Variants in PRORP observed in about 807,000 individuals in gnomAD.
The protein encoded by PRORP is protein only RNase P catalytic subunit.
In PRORP, 51 loss-of-function variants were observed where a neutral mutation model predicts 59.4. The observed-to-expected ratio is 0.86, with a 90% CI of 0.69 to 1.08. The LOEUF is 1.08. PRORP is among the 50% of genes least tolerant of loss of function. The pLI is 0.00. For synonymous variants in PRORP, 231 were observed against 245.6 expected (o/e 0.94, Z 0.55); for missense variants, 646 against 690.3 (o/e 0.94, Z 0.72).
intron 5 of PRORP, among the ~76,000 whole-genome samples, chr14:35,237,814 G>A (rs1002973258): frequency 1.3e-5 from 2 of 150,734 alleles, no homozygotes; most frequent in Non-Finnish European, 2.9e-5. Flanking sequence ...CACCAAGCCC[G>A]GCTAATTTTT....
rs144807717 is a variant in PRORP, at chr14:35,271,531, T to A, written c.1620+935T>A. On this transcript the variant is annotated intron_variant, in intron 7 of 7. Transcript: ENST00000534898. ...AGCTCAAATTCTTTATTTCTTATAG[T>A]TTGTTATACTTCTGCTAAGTAATTT... Among the ~76,000 whole-genome samples the A allele has an allele frequency of 1.1e-3, 169 of 152,302 alleles. 1 individual carries two copies. Among genetic ancestry groups the A allele is most frequent in the African/African-American group, 3.8e-3 (156 of 41,576 alleles).
intron 5 of PRORP, among the ~76,000 whole-genome samples, chr14:35,241,915 C>T (rs1040730336): frequency 2.6e-5 from 4 of 152,160 alleles, no homozygotes; most frequent in African/African-American, 9.7e-5. Context: ...TCATAGGCTT[C>T]TCTTTTCTCC....
intron 4 of PRORP, among the ~76,000 whole-genome samples, chr14:35,132,390 G>A (rs1329269719): frequency 3.9e-5 from 6 of 151,970 alleles, no homozygotes; most frequent in Non-Finnish European, 7.4e-5. Context: ...CCTGGGAGCC[G>A]GAGGTTGCGG....
At chr14:35,218,028 T>G (rs1434805448) in intron 5 of PRORP, among the ~76,000 whole-genome samples, 1 of 152,198 alleles carries the variant, frequency 6.6e-6, no homozygotes, top group Non-Finnish European at 1.5e-5. Context: ...GTATGTTGTT[T>G]TAATTTGCAT....
intron 5 of PRORP, among the ~76,000 whole-genome samples, chr14:35,247,171 C>T (rs546056769): frequency 6.6e-6 from 1 of 152,256 alleles, no homozygotes; most frequent in East Asian, 1.9e-4. Flanking sequence ...GATTATTGAA[C>T]TATTAAGTAA....
chr14:35,166,820 T>C (rs2048196931), intron 4 of PRORP, among the ~76,000 whole-genome samples: 1 of 152,210 alleles, frequency 6.6e-6, no homozygotes, highest in Non-Finnish European at 1.5e-5. Flanking sequence ...TTCACCCTAT[T>C]GAATTATCCT....
chr14:35,131,035 C>G (rs1411253394), intron 4 of PRORP, among the ~76,000 whole-genome samples: 1 of 152,042 alleles, frequency 6.6e-6, no homozygotes, highest in Non-Finnish European at 1.5e-5. Flanking sequence ...CCTCCGCCTC[C>G]TGGGTTCAAG....
intron 4 of PRORP, among the ~76,000 whole-genome samples, chr14:35,163,932 G>A (rs962005696): frequency 1.6e-4 from 25 of 152,262 alleles, no homozygotes; most frequent in Non-Finnish European, 5.9e-5. Flanking sequence ...AATCCATCTT[G>A]AGTTAATTTT....
intron 4 of PRORP, among the ~76,000 whole-genome samples, chr14:35,135,922 C>T (rs1275695215): frequency 2.0e-5 from 3 of 148,858 alleles, no homozygotes; most frequent in Non-Finnish European, 4.4e-5. Flanking sequence ...CATGCCACTG[C>T]ACTCCAGCCT....
At chr14:35,181,433 G>A (rs1360393957) in intron 5 of PRORP, among the ~76,000 whole-genome samples, 1 of 152,062 alleles carries the variant, frequency 6.6e-6, no homozygotes, top group Non-Finnish European at 1.5e-5. Flanking sequence ...TCAGACTTGT[G>A]GCTCTTATCA....
At chr14:35,229,481 G>A (rs182964711) in intron 5 of PRORP, among the ~76,000 whole-genome samples, 2 of 152,238 alleles carry the variant, frequency 1.3e-5, no homozygotes, top group Admixed American at 6.5e-5. Context: ...TATGGTGAAA[G>A]GTAAAGGTCC....
chr14:35,267,265 G>T (rs1024827911), intron 6 of PRORP, among the ~76,000 whole-genome samples: 24 of 152,160 alleles, frequency 1.6e-4, no homozygotes, highest in Non-Finnish European at 1.2e-4. Flanking sequence ...TGCCCTCTTA[G>T]AATTTACAAT....
intron 5 of PRORP, among the ~76,000 whole-genome samples, chr14:35,196,303 C>T (rs1056751367): frequency 5.3e-5 from 8 of 152,096 alleles, no homozygotes; most frequent in Admixed American, 2.6e-4. Context: ...AGTGAGACCC[C>T]CCTGCCCCCT....
At position 35,176,718 on chromosome 14, in the gene PRORP, T is replaced by C. The variant is rs1042015976; in HGVS notation, c.1168-3952T>C. Among the ~76,000 whole-genome samples the C allele has an allele frequency of 1.3e-4, 20 of 152,318 alleles. 1 individual carries two copies. The highest frequency in any genetic ancestry group is 3.4e-3 in the Middle Eastern group (1 of 294). ...ACAATTTGACTTCTTCTTTTCCTAATTGAATACCCTTTATTTCTTTCTCCT... is the reference window on the plus strand; with the variant it reads ...ACAATTTGACTTCTTCTTTTCCTAACTGAATACCCTTTATTTCTTTCTCCT... On this transcript the variant is annotated intron_variant, in intron 4 of 7. Coordinates refer to ENST00000534898, the MANE Select transcript of PRORP (RefSeq NM_014672.4).
chr14:35,230,332 G>A (rs551351267), intron 5 of PRORP, among the ~76,000 whole-genome samples: 1 of 152,308 alleles, frequency 6.6e-6, no homozygotes, highest in South Asian at 2.1e-4. Flanking sequence ...GATTACAGGC[G>A]TGAGCCACCA....
At chr14:35,146,046 G>T (rs2047603022) in intron 4 of PRORP, among the ~76,000 whole-genome samples, 1 of 151,826 alleles carries the variant, frequency 6.6e-6, no homozygotes, top group Non-Finnish European at 1.5e-5. Flanking sequence ...GGCCAGGCTG[G>T]TCTCAAACTC....
intron 4 of PRORP, among the ~76,000 whole-genome samples, chr14:35,152,377 A>G (rs1273310444): frequency 3.3e-5 from 5 of 151,832 alleles, no homozygotes; most frequent in African/African-American, 4.8e-5. Flanking sequence ...TCTTTTCCCC[A>G]CCTTTCCCCC....
intron 5 of PRORP, among the ~76,000 whole-genome samples, chr14:35,250,726 G>A (rs1374697379): frequency 6.6e-6 from 1 of 152,108 alleles, no homozygotes; most frequent in Admixed American, 6.6e-5. Context: ...TATCAAATAG[G>A]CCCCTACTTG....
intron 7 of PRORP, among the ~76,000 whole-genome samples, chr14:35,271,962 G>A (rs2051201649): frequency 1.3e-5 from 2 of 151,096 alleles, no homozygotes; most frequent in South Asian, 2.1e-4. Context: ...GGAGGCAAAG[G>A]TTTCAGTGAG....
Sources: gnomAD v4.1 joint callset for allele counts (sites outside exome capture counted in the v4.1 genomes callset) on GRCh38, gnomAD v4.1.1 for gene constraint, MANE v1.5 for transcripts, NCBI Gene and HGNC (gene_info 2026-07-23, HGNC 2026-07-21) for gene names.